The following TRAK1 variants were observed in gnomAD, a reference collection of about 807,000 sequenced individuals.
TRAK1 encodes the protein trafficking kinesin protein 1.
A neutral mutation model predicts 92.1 loss-of-function variants in TRAK1; 33 were observed. The observed-to-expected ratio is 0.36, with a 90% CI of 0.27 to 0.48. TRAK1 has a LOEUF of 0.48. TRAK1 is among the 20% of genes least tolerant of loss of function. The pLI is 0.99. For missense variants in TRAK1, 1,123 were observed against 1,257.9 expected (o/e 0.89, Z 1.62); for synonymous variants, 521 against 517.3 (o/e 1.01, Z -0.10).
chr3:42,191,469 C>T (rs920940763), intron 6 of TRAK1, 89 bp from the exon 7 acceptor site: 1 of 1,187,818 alleles, frequency 8.4e-7, no homozygotes, highest in Non-Finnish European at 1.2e-6. Context: ...TCCCAGACCC[C>T]AGTTAGCCTT....
At chr3:42,188,871 T>C (rs1024215145) in intron 5 of TRAK1, 145 bp from the exon 6 acceptor site, 8 of 625,840 alleles carry the variant, frequency 1.3e-5, no homozygotes, top group East Asian at 8.2e-5. Flanking sequence ...GCCTGTGCAC[T>C]GGGGGCGCTG....
At chr3:42,066,699 T>TTATC (rs1703696555) in intron 1 of TRAK1, among the ~76,000 whole-genome samples, 1 of 152,230 alleles carries the variant, frequency 6.6e-6, no homozygotes, top group Non-Finnish European at 1.5e-5. Context: ...ATGCATTGGC[T>TTATC]TATCACAGCC....
chr3:42,068,188 C>T (rs1703763805), intron 1 of TRAK1, among the ~76,000 whole-genome samples: 2 of 152,192 alleles, frequency 1.3e-5, no homozygotes, highest in African/African-American at 4.8e-5. Flanking sequence ...CAGGATCTTA[C>T]TCTGCCACCC....
rs1170488047 is a variant in TRAK1 at position 42,111,747 on chromosome 3, A to G, written c.92-13673A>G. Among the ~76,000 whole-genome samples, 2 of 151,988 alleles carry G rather than the reference A, an allele frequency of 1.3e-5. 1 individual carries two copies. Among genetic ancestry groups the G allele is most frequent in the Admixed American group, 1.3e-4 (2 of 15,256 alleles). ...AAATGCATCTATTTTGATTAAACCC[A>G]TATTATTTTCTTATTTATTAAAAAT... On this transcript the variant is annotated intron_variant, in intron 1 of 15. Transcript: ENST00000327628.
chr3:42,203,921 A>G (rs1207153434), intron 13 of TRAK1: 2 of 984,778 alleles, frequency 2.0e-6, no homozygotes, highest in Non-Finnish European at 2.4e-6. Flanking sequence ...TGGGAGCAAT[A>G]TTGCCCCTGT....
intron 1 of TRAK1, among the ~76,000 whole-genome samples, chr3:42,104,157 A>T (rs1043009214): frequency 1.3e-5 from 2 of 152,142 alleles, no homozygotes; most frequent in African/African-American, 4.8e-5. Flanking sequence ...GAGTAGGTAG[A>T]CAAAACAGCC....
At chr3:42,143,771 C>T (rs1455247428) in intron 2 of TRAK1, among the ~76,000 whole-genome samples, 2 of 152,040 alleles carry the variant, frequency 1.3e-5, no homozygotes, top group Non-Finnish European at 2.9e-5. Flanking sequence ...AGGGCTGTAA[C>T]CCTCAGGAGT....
intron 1 of TRAK1, among the ~76,000 whole-genome samples, chr3:42,100,465 C>T (rs1357031022): frequency 2.0e-5 from 3 of 152,178 alleles, no homozygotes; most frequent in African/African-American, 4.8e-5. Context: ...TGCCTTGTTC[C>T]ATCTACCTTT....
In TRAK1 at chr3:42,121,395, G is replaced by A. The variant is rs369544964; in HGVS notation, c.92-4025G>A. ...CTGCCTCAGCCTCCCTAGTAGCTGG[G>A]ACTACAGGCGCCCACCACTGCGCCT... On this transcript the variant is annotated intron_variant, in intron 1 of 15. Coordinates refer to ENST00000327628, the MANE Select transcript of TRAK1 (RefSeq NM_001042646.3). Among the ~76,000 whole-genome samples the A allele has an allele frequency of 8.5e-5, 13 of 152,154 alleles. No homozygotes were observed. In the South Asian group the frequency reaches 1.0e-3, roughly 12 times the overall value.
chr3:42,083,148 A>G (rs1010008334), upstream of TRAK1, among the ~76,000 whole-genome samples: 4 of 152,170 alleles, frequency 2.6e-5, no homozygotes, highest in Non-Finnish European at 5.9e-5. Flanking sequence ...TTCCTAAATC[A>G]CTTGTGAACT....
At chr3:42,035,536 G>A (rs992361162) in intron 1 of TRAK1, among the ~76,000 whole-genome samples, 2 of 152,194 alleles carry the variant, frequency 1.3e-5, no homozygotes, top group African/African-American at 2.4e-5. Context: ...GGAGGGCACC[G>A]CTGTCCTCAG....
At chr3:42,217,764 T>C in intron 14 of TRAK1, 1 of 985,438 alleles carries the variant, frequency 1.0e-6, no homozygotes, top group Non-Finnish European at 1.2e-6. Flanking sequence ...TTTGGGATGC[T>C]CTTCCCAGGC....
At chr3:42,173,680 G>A (rs1702844278) in intron 2 of TRAK1, among the ~76,000 whole-genome samples, 2 of 152,182 alleles carry the variant, frequency 1.3e-5, no homozygotes, top group South Asian at 4.1e-4. Context: ...ACTGGCCTCG[G>A]TGCAGTCTCT....
intron 1 of TRAK1, among the ~76,000 whole-genome samples, chr3:42,071,488 A>T (rs1703928463): frequency 1.3e-5 from 2 of 151,990 alleles, no homozygotes; most frequent in Admixed American, 1.3e-4. Context: ...TGGGCTGATC[A>T]CCCAAGAGCA....
chr3:42,199,843 C>A (rs1707271933), intron 11 of TRAK1, among the ~76,000 whole-genome samples: 1 of 152,186 alleles, frequency 6.6e-6, no homozygotes, highest in African/African-American at 2.4e-5. Context: ...GATGTCTTTC[C>A]CATCTCTCTT....
At chr3:42,150,470 G>T (rs557043590) in intron 2 of TRAK1, among the ~76,000 whole-genome samples, 41 of 152,096 alleles carry the variant, frequency 2.7e-4, no homozygotes, top group Admixed American at 1.6e-3. Context: ...TCACAAAAAA[G>T]GGGCCCAATT....
intron 14 of TRAK1, among the ~76,000 whole-genome samples, chr3:42,213,851 G>T (rs1008157696): frequency 6.6e-6 from 1 of 152,136 alleles, no homozygotes. Flanking sequence ...GGAACACTTC[G>T]ATTCAGCCTG....
chr3:42,061,310 TCCCCC>T (rs1703433985), intron 1 of TRAK1, among the ~76,000 whole-genome samples: 1 of 20,428 alleles, frequency 4.9e-5, no homozygotes, highest in Non-Finnish European at 9.5e-5. Flanking sequence ...CATGCACACC[TCCCCC>T]ACGCACACCC....
Position 42,225,300 on chromosome 3 carries a change from A to T in TRAK1, c.*1563A>T, listed in dbSNP as rs1710679897. 1.3e-5 allele frequency: 2 copies of T among 152,234 alleles called. No homozygotes were observed. The highest frequency in any genetic ancestry group is 4.8e-5 in the African/African-American group (2 of 41,464). The allele number at this position is 152,234 out of a possible 1,614,324, so 9.4% of individuals were successfully genotyped here. On this transcript the variant is annotated 3_prime_UTR_variant, in exon 16 of 16. Transcript: ENST00000327628. ...ATGCTGTGTCCTCCCCGGCAGCAGA[A>T]GATGTGTCCTTCCATTGAGTGAGGG...
Sources: gnomAD v4.1 joint callset for allele counts (sites outside exome capture counted in the v4.1 genomes callset) on GRCh38, gnomAD v4.1.1 for gene constraint, MANE v1.5 for transcripts, NCBI Gene and HGNC (gene_info 2026-07-23, HGNC 2026-07-21) for gene names.